FMN1: variants seen among roughly 807,000 people sequenced by gnomAD.
The protein encoded by FMN1 is formin-1.
A neutral mutation model predicts 132.4 loss-of-function variants in FMN1; 110 were observed. The ratio of observed to expected loss-of-function variants is 0.83; its 90% confidence interval spans 0.71 to 0.97. The LOEUF (loss-of-function observed/expected upper bound fraction) is 0.97. FMN1 is among the 50% of genes least tolerant of loss of function. FMN1 has a pLI of 0.00. For missense variants in FMN1, 1,792 were observed against 1,705.3 expected (o/e 1.05, Z -0.90); for synonymous variants, 722 against 651.7 (o/e 1.11, Z -1.64).
At chr15:33,156,086 A>T (rs1002934199) in intron 3 of FMN1, among the ~76,000 whole-genome samples, 8 of 152,168 alleles carry the variant, frequency 5.3e-5, no homozygotes, top group Admixed American at 4.6e-4. Flanking sequence ...AAAGCTACAT[A>T]AAAGTATATT....
chr15:33,048,127 C>T (rs2036776161), intron 6 of FMN1, among the ~76,000 whole-genome samples: 1 of 90,622 alleles, frequency 1.1e-5, no homozygotes, highest in Non-Finnish European at 2.6e-5. Context: ...ATAAAAATGT[C>T]TTCAAAATGT....
chr15:32,960,247 G>A (rs1439172938), intron 9 of FMN1, among the ~76,000 whole-genome samples: 2 of 152,118 alleles, frequency 1.3e-5, no homozygotes, highest in African/African-American at 4.8e-5. Context: ...AGAGAGGGTG[G>A]GGTGAGAGCG....
At chr15:33,102,791 C>T (rs1226844457) in intron 4 of FMN1, among the ~76,000 whole-genome samples, 1 of 152,030 alleles carries the variant, frequency 6.6e-6, no homozygotes, top group African/African-American at 2.4e-5. Context: ...ATTTCATTTC[C>T]ACAAGATGAA....
At chr15:33,167,780 A>T (rs11854659) in intron 3 of FMN1, among the ~76,000 whole-genome samples, 6,152 of 152,306 alleles carry the variant, frequency 0.04, 155 homozygotes, top group East Asian at 0.1. Context: ...TAAGAAAATC[A>T]CAAGGAAGGG....
intron 4 of FMN1, among the ~76,000 whole-genome samples, chr15:33,146,582 G>A (rs1964230371): frequency 6.6e-6 from 1 of 152,110 alleles, no homozygotes; most frequent in Non-Finnish European, 1.5e-5. Flanking sequence ...CCTTCTATGA[G>A]AGGGAAGAAA....
At position 32,767,663 on chromosome 15, in the gene FMN1, T is replaced by C. The variant is rs1041546314; in HGVS notation, c.*6647A>G. ...AAGGGAAGTTCTTTTTATTAATGCA[T>C]ACTCTCTTTGAAGATAAGACATCTA... On this transcript the variant is annotated 3_prime_UTR_variant, in exon 21 of 21. Coordinates refer to ENST00000616417, the MANE Select transcript of FMN1 (RefSeq NM_001277313.2). The C allele has an allele frequency of 2.6e-5, 4 of 152,258 alleles. No homozygotes were observed. Among genetic ancestry groups the C allele is most frequent in the Non-Finnish European group, 5.9e-5 (4 of 68,038 alleles). The allele number at this position is 152,258 out of a possible 1,614,324, so 9.4% of individuals were successfully genotyped here.
intron 18 of FMN1, among the ~76,000 whole-genome samples, chr15:32,802,672 C>A (rs1414489442): frequency 6.6e-6 from 1 of 152,148 alleles, no homozygotes; most frequent in African/African-American, 2.4e-5. Context: ...CACGCTGGGC[C>A]CCCTTTTCCT....
In FMN1 at chr15:33,149,865, T is replaced by C. The variant is rs1425863929; in HGVS notation, c.1867+3183A>G. 5.1e-6 allele frequency: 5 copies of C among 983,422 alleles called. No individual in the cohort carries two copies. In the African/African-American group the frequency reaches 8.7e-5, roughly 17 times the overall value. 60.9% of individuals were successfully genotyped at this position (983,422 alleles called of 1,614,324 possible). ...TTATATTTACTTCCCATAATGTATA[T>C]CCACAGAGACAATCAAAGCTTTGAC... On this transcript the variant is annotated intron_variant, in intron 4 of 20. Transcript: ENST00000616417.
intron 4 of FMN1, among the ~76,000 whole-genome samples, chr15:33,127,106 T>C (rs901476052): frequency 2.0e-5 from 3 of 152,184 alleles, no homozygotes; most frequent in Non-Finnish European, 4.4e-5. Context: ...GGGGGAGTGA[T>C]GAACGAGATA....
intron 9 of FMN1, among the ~76,000 whole-genome samples, chr15:32,962,070 T>C (rs541295548): frequency 6.6e-6 from 1 of 152,246 alleles, no homozygotes; most frequent in Non-Finnish European, 1.5e-5. Flanking sequence ...GGTTTATGTT[T>C]AGTGTTTGTT....
intron 7 of FMN1, among the ~76,000 whole-genome samples, chr15:32,975,770 G>A (rs12899690): frequency 0.032 from 4,887 of 152,068 alleles, 103 homozygotes; most frequent in African/African-American, 0.041. Context: ...TAAACCACCC[G>A]GTAGAAATGA....
At chr15:33,117,205 G>C (rs1011659158) in intron 4 of FMN1, among the ~76,000 whole-genome samples, 13 of 151,958 alleles carry the variant, frequency 8.6e-5, no homozygotes, top group African/African-American at 2.7e-4. Context: ...TACTCCAAAA[G>C]AGAGAGAGAG....
At chr15:33,146,176 T>C (rs1449322059) in intron 4 of FMN1, among the ~76,000 whole-genome samples, 1 of 152,086 alleles carries the variant, frequency 6.6e-6, no homozygotes, top group South Asian at 2.1e-4. Context: ...ACTCACTTGC[T>C]TAGCGTGAAA....
Position 33,026,339 on chromosome 15 carries a change from CTACTT to C in FMN1, c.2162-18269_2162-18265del, listed in dbSNP as rs540448782. On this transcript the variant is annotated intron_variant, in intron 6 of 20. Coordinates refer to ENST00000616417, the MANE Select transcript of FMN1 (RefSeq NM_001277313.2). ...GATGGTTAATATATAAATACTAACTCTACTTTATTCTATTTGTTTGAAATTATTCA... is the reference window on the plus strand; with the variant it reads ...GATGGTTAATATATAAATACTAACTCTATTCTATTTGTTTGAAATTATTCA... Among the ~76,000 whole-genome samples the C allele has an allele frequency of 7.0e-4, 105 of 149,278 alleles. 1 individual carries two copies. The highest frequency in any genetic ancestry group is 1.6e-3 in the African/African-American group (64 of 40,684).
intron 10 of FMN1, among the ~76,000 whole-genome samples, chr15:32,921,415 A>C (rs2060818829): frequency 6.6e-6 from 1 of 152,238 alleles, no homozygotes; most frequent in African/African-American, 2.4e-5. Flanking sequence ...GAAATAAGAG[A>C]TCTATGTTTT....
intron 19 of FMN1, among the ~76,000 whole-genome samples, chr15:32,791,075 T>C (rs1183309481): frequency 6.6e-6 from 1 of 152,114 alleles, no homozygotes; most frequent in Non-Finnish European, 1.5e-5. Context: ...GAAGAAATTA[T>C]CCAGTGAGAA....
At chr15:33,091,228 G>C (rs1049665809) in intron 4 of FMN1, among the ~76,000 whole-genome samples, 3 of 152,170 alleles carry the variant, frequency 2.0e-5, no homozygotes, top group Non-Finnish European at 4.4e-5. Context: ...TTAGGTACAA[G>C]AGAGTGAAAC....
chr15:33,101,630 T>C (rs927478804), intron 4 of FMN1, among the ~76,000 whole-genome samples: 4 of 152,158 alleles, frequency 2.6e-5, no homozygotes, highest in African/African-American at 7.2e-5. Context: ...AATTCTATTT[T>C]AAACCAAAAA....
chr15:33,015,054 A>G (rs146231776), intron 6 of FMN1, among the ~76,000 whole-genome samples: 2 of 152,358 alleles, frequency 1.3e-5, no homozygotes, highest in East Asian at 3.9e-4. Context: ...AAAACGCCTC[A>G]GGTTGAACAG....
Sources: allele counts gnomAD v4.1 joint callset (sites outside exome capture counted in the v4.1 genomes callset), GRCh38; gene constraint gnomAD v4.1.1; transcripts MANE v1.5; gene names NCBI Gene and HGNC (gene_info 2026-07-23, HGNC 2026-07-21).